Variants in FHOD3 observed in about 807,000 individuals in gnomAD.
The protein encoded by FHOD3 is formin homology 2 domain containing 3, also known as FH1/FH2 domain-containing protein 3.
In FHOD3, 90 loss-of-function variants were observed where a neutral mutation model predicts 173.0. That is an observed-to-expected ratio of 0.52 (90% CI 0.44 to 0.62). The LOEUF is 0.62. FHOD3 is among the 20% of genes least tolerant of loss of function. The probability of loss-of-function intolerance (pLI) is 0.00; values close to 1 mark genes in which losing one functional copy is unlikely to be tolerated. For synonymous variants in FHOD3, 828 were observed against 823.0 expected, an observed-to-expected ratio of 1.01 and a Z score of -0.10; for missense variants, 1,945 against 2,034.7, an observed-to-expected ratio of 0.96 and a Z score of 0.85.
intron 1 of FHOD3, among the ~76,000 whole-genome samples, chr18:36,325,333 A>T (rs902202204): frequency 2.0e-5 from 3 of 152,232 alleles, no homozygotes; most frequent in African/African-American, 7.2e-5. Flanking sequence ...AAGTTTACTT[A>T]AAAAATAGAT....
intron 5 of FHOD3, among the ~76,000 whole-genome samples, chr18:36,536,528 C>T (rs970122799): frequency 1.3e-5 from 2 of 152,258 alleles, no homozygotes; most frequent in African/African-American, 4.8e-5. Context: ...CAGCTCCCCT[C>T]TGCAGGTTTT....
chr18:36,605,694 C>T (rs182295228), intron 8 of FHOD3, among the ~76,000 whole-genome samples: 94 of 152,144 alleles, frequency 6.2e-4, no homozygotes, highest in African/African-American at 2.1e-3. Flanking sequence ...CAAGTCATGC[C>T]GGGTTTGTTT....
intron 7 of FHOD3, among the ~76,000 whole-genome samples, chr18:36,596,964 G>A (rs751732707): frequency 3.3e-5 from 5 of 152,210 alleles, no homozygotes; most frequent in Non-Finnish European, 7.3e-5. Flanking sequence ...GCAGCTGGTA[G>A]GCAGCAGCTT....
chr18:36,465,128 G>T (rs545520173), intron 3 of FHOD3, among the ~76,000 whole-genome samples: 1 of 152,298 alleles, frequency 6.6e-6, no homozygotes, highest in Admixed American at 6.5e-5. Context: ...AAGAGTTCGA[G>T]ACCAGCCTGG....
At chr18:36,583,799 T>C (rs2148145188) in intron 6 of FHOD3, among the ~76,000 whole-genome samples, 3 of 151,786 alleles carry the variant, frequency 2.0e-5, no homozygotes, top group Middle Eastern at 6.9e-3. Flanking sequence ...TGAGGTTTTA[T>C]TGTTTAATTA....
chr18:36,553,048 A>G (rs1345462340), intron 5 of FHOD3, among the ~76,000 whole-genome samples: 4 of 152,196 alleles, frequency 2.6e-5, no homozygotes, highest in Non-Finnish European at 5.9e-5. Context: ...AATTTTGTCA[A>G]AGGCCTTTTC....
At chr18:36,517,247 T>TC (rs2056040496) in intron 5 of FHOD3, among the ~76,000 whole-genome samples, 1 of 152,212 alleles carries the variant, frequency 6.6e-6, no homozygotes, top group South Asian at 2.1e-4. Context: ...ATTTTGTACC[T>TC]CACAATTATT....
chr18:36,568,326 CAAAAAAAAAAAAAAAAAAAAAA>C (rs71168234), intron 5 of FHOD3, among the ~76,000 whole-genome samples: 9 of 24,046 alleles, frequency 3.7e-4, no homozygotes, highest in African/African-American at 9.5e-4. Flanking sequence ...GACTCTGTCT[CAAAAAAAAAAAAAAAAAAAAAA>C]AAAAAAAAAA....
chr18:36,477,051 C>T (rs1157291186), intron 3 of FHOD3, among the ~76,000 whole-genome samples: 1 of 152,132 alleles, frequency 6.6e-6, no homozygotes. Context: ...ACCATGTGGG[C>T]AGGAGTTATC....
intron 10 of FHOD3, among the ~76,000 whole-genome samples, chr18:36,644,191 A>C (rs2035526525): frequency 6.6e-6 from 1 of 152,182 alleles, no homozygotes; most frequent in Admixed American, 6.5e-5. Context: ...ACTCCTTATC[A>C]ATCACAAGCA....
intron 18 of FHOD3, among the ~76,000 whole-genome samples, chr18:36,712,178 T>C (rs567703379): frequency 1.8e-4 from 28 of 152,236 alleles, no homozygotes; most frequent in African/African-American, 6.3e-4. Flanking sequence ...GGAGCCAAAG[T>C]CTAATAAAGC....
chr18:36,417,162 A>C (rs1221874229), intron 3 of FHOD3, among the ~76,000 whole-genome samples: 4 of 152,098 alleles, frequency 2.6e-5, no homozygotes, highest in Non-Finnish European at 5.9e-5. Context: ...TTATTTCATC[A>C]CCCAGGTATT....
At chr18:36,382,947 T>TACA (rs888254619) in intron 3 of FHOD3, among the ~76,000 whole-genome samples, 6 of 152,198 alleles carry the variant, frequency 3.9e-5, no homozygotes, top group African/African-American at 1.4e-4. Context: ...AATCTGTCTG[T>TACA]GTAACTGGAG....
chr18:36,635,227 C>T (rs1230417873), intron 10 of FHOD3, among the ~76,000 whole-genome samples: 2 of 152,176 alleles, frequency 1.3e-5, no homozygotes, highest in African/African-American at 2.4e-5. Context: ...CTCCTGGTAT[C>T]TGGGGCGGGA....
At chr18:36,581,330 C>T (rs1404591075) in intron 6 of FHOD3, among the ~76,000 whole-genome samples, 1 of 152,134 alleles carries the variant, frequency 6.6e-6, no homozygotes, top group African/African-American at 2.4e-5. Context: ...CCTTTGTCAC[C>T]CAGCACAGAG....
chr18:36,664,575 C>T (rs1167264907), intron 14 of FHOD3, among the ~76,000 whole-genome samples: 1 of 152,066 alleles, frequency 6.6e-6, no homozygotes, highest in Admixed American at 6.6e-5. Flanking sequence ...CCTAGGGAAC[C>T]TGGGCTGTGC....
At chr18:36,590,361 C>A (rs2148276706) in intron 6 of FHOD3, among the ~76,000 whole-genome samples, 1 of 152,044 alleles carries the variant, frequency 6.6e-6, no homozygotes, top group South Asian at 2.1e-4. Flanking sequence ...TAAGTGATTT[C>A]TGGATTAATG....
intron 25 of FHOD3, among the ~76,000 whole-genome samples, chr18:36,757,986 C>T (rs1392577198): frequency 6.6e-6 from 1 of 152,184 alleles, no homozygotes; most frequent in African/African-American, 2.4e-5. Context: ...TTCTCAATGC[C>T]AGCTTCCTCT....
intron 16 of FHOD3, among the ~76,000 whole-genome samples, chr18:36,688,069 C>T (rs1043407238): frequency 2.0e-5 from 3 of 152,186 alleles, no homozygotes; most frequent in Admixed American, 6.5e-5. Flanking sequence ...ATTTCAATGG[C>T]AACATGCTTT....
Sources: gnomAD v4.1 joint callset for allele counts (sites outside exome capture counted in the v4.1 genomes callset) on GRCh38, gnomAD v4.1.1 for gene constraint, MANE v1.5 for transcripts, NCBI Gene and HGNC (gene_info 2026-07-23, HGNC 2026-07-21) for gene names.